REEP1: variants seen among roughly 807,000 people sequenced by gnomAD.
REEP1 encodes the protein receptor expression-enhancing protein 1.
A neutral mutation model predicts 40.3 loss-of-function variants in REEP1; 22 were observed. The observed-to-expected ratio is 0.55, with a 90% CI of 0.39 to 0.78. The LOEUF (loss-of-function observed/expected upper bound fraction) is 0.78. REEP1 is among the 30% of genes least tolerant of loss of function. The pLI, the probability that REEP1 is intolerant of heterozygous loss-of-function variation, is 0.00. For missense variants in REEP1, 280 were observed against 361.1 expected, an observed-to-expected ratio of 0.78 and a Z score of 1.82; for synonymous variants, 116 against 139.2, an observed-to-expected ratio of 0.83 and a Z score of 1.17.
intron 5 of REEP1, among the ~76,000 whole-genome samples, chr2:86,237,335 A>G (rs989948067): frequency 2.0e-5 from 3 of 152,224 alleles, no homozygotes; most frequent in Non-Finnish European, 4.4e-5. Flanking sequence ...CAACAGCTCG[A>G]CATCACCCAA....
At chr2:86,316,536 G>A (rs185615889) in intron 1 of REEP1, among the ~76,000 whole-genome samples, 7 of 93,312 alleles carry the variant, frequency 7.5e-5, no homozygotes, top group African/African-American at 1.4e-4. Flanking sequence ...CAACAAGAAC[G>A]AAACTCTGTC....
In REEP1 at chr2:86,315,192, G is replaced by A. The variant is rs116613082; in HGVS notation, c.32+22287C>T. Among the ~76,000 whole-genome samples the A allele has an allele frequency of 8.1e-3, 1,230 of 152,294 alleles. 14 individuals carry two copies. Among genetic ancestry groups the A allele is most frequent in the African/African-American group, 0.028 (1,157 of 41,568 alleles). ...GAACAATCAGGGAAGCTGCCTGCCA[G>A]GAGGGTGAGCCCCTCCCTGCTCCAA... On this transcript the variant is annotated intron_variant, in intron 1 of 8. Coordinates refer to ENST00000538924, the MANE Select transcript of REEP1 (RefSeq NM_001371279.1).
At chr2:86,298,042 G>T (rs1679067289) in intron 1 of REEP1, among the ~76,000 whole-genome samples, 1 of 152,204 alleles carries the variant, frequency 6.6e-6, no homozygotes, top group Non-Finnish European at 1.5e-5. Flanking sequence ...CCTGGGGGAA[G>T]TGGATAACCA....
At chr2:86,301,016 A>G (rs1558924717) in intron 1 of REEP1, among the ~76,000 whole-genome samples, 2 of 152,340 alleles carry the variant, frequency 1.3e-5, no homozygotes, top group South Asian at 4.1e-4. Context: ...TGTCAGAGCC[A>G]AGAATCCAAT....
At chr2:86,224,621 G>A (rs13010151) in intron 7 of REEP1, among the ~76,000 whole-genome samples, 4,852 of 152,260 alleles carry the variant, frequency 0.032, 125 homozygotes, top group Non-Finnish European at 0.049. Flanking sequence ...CTAGGACAAC[G>A]GCTTCCAGGT....
chr2:86,273,280 ACC>A (rs1677563531), intron 2 of REEP1, among the ~76,000 whole-genome samples: 1 of 143,858 alleles, frequency 7.0e-6, no homozygotes, highest in Non-Finnish European at 1.5e-5. Flanking sequence ...ACTGGCCCCT[ACC>A]TTTTTTTTTT....
At chr2:86,225,133 C>A (rs996274145) in intron 7 of REEP1, among the ~76,000 whole-genome samples, 1 of 152,182 alleles carries the variant, frequency 6.6e-6, no homozygotes, top group African/African-American at 2.4e-5. Flanking sequence ...GAACGCAGCC[C>A]CTTCATTTCC....
chr2:86,218,541 G>A (rs1210821831), intron 8 of REEP1, among the ~76,000 whole-genome samples: 1 of 152,240 alleles, frequency 6.6e-6, no homozygotes, highest in Non-Finnish European at 1.5e-5. Context: ...CACCTTTATA[G>A]TAATCTGCCT....
In REEP1 at chr2:86,243,085, G is replaced by A. The variant is rs144600749; in HGVS notation, c.417+8872C>T. Reference sequence around the variant, plus strand: ...CTTGGATTGAGCCCTGGGCAGAGAAGCCCATCTGGGAACCAGGTCATCAGG... The same window carrying A: ...CTTGGATTGAGCCCTGGGCAGAGAAACCCATCTGGGAACCAGGTCATCAGG... On this transcript the variant is annotated intron_variant, in intron 5 of 8. Transcript: ENST00000538924. 1.4e-3 allele frequency among the ~76,000 whole-genome samples: 206 copies of A among 152,268 alleles called. 2 individuals are homozygous for A. Among genetic ancestry groups the A allele is most frequent in the Middle Eastern group, 6.8e-3 (2 of 294 alleles).
Position 86,216,397 on chromosome 2 carries a change from A to G in REEP1, c.*642T>C, listed in dbSNP as rs1024715489. 10 of 152,290 alleles carry G rather than the reference A, an allele frequency of 6.6e-5. No homozygotes were observed. The highest frequency in any genetic ancestry group is 1.5e-5 in the Non-Finnish European group (1 of 68,098). The allele number at this position is 152,290 out of a possible 1,614,324, so 9.4% of individuals were successfully genotyped here. A position where few individuals can be genotyped will look rare whatever the true frequency, so the allele number is the denominator to read the frequency against. On this transcript the variant is annotated 3_prime_UTR_variant, in exon 9 of 9. Coordinates refer to ENST00000538924, the MANE Select transcript of REEP1 (RefSeq NM_001371279.1). ...TGGTCTTTTGACTAAACAACTATCTAAAGAATATAGACCACACTCCTGCAG... is the reference window on the plus strand; with the variant it reads ...TGGTCTTTTGACTAAACAACTATCTGAAGAATATAGACCACACTCCTGCAG...
rs1573976828 is a variant in REEP1 at position 86,214,926 on chromosome 2, C to A, written c.*2113G>T. ...GTCACAACTCTCCATTGTAAAATGG[C>A]GAAAATATAGGTTGTTCACGATAGG... is the stretch of plus-strand genomic sequence containing the variant. On this transcript the variant is annotated 3_prime_UTR_variant, in exon 9 of 9. Coordinates refer to ENST00000538924, the MANE Select transcript of REEP1 (RefSeq NM_001371279.1). 6.8e-6 allele frequency: 1 copy of A among 147,200 alleles called. No homozygotes were observed. Among genetic ancestry groups the A allele is most frequent in the East Asian group, 2.0e-4 (1 of 4,964 alleles). 9.1% of individuals were successfully genotyped at this position (147,200 alleles called of 1,614,324 possible). A position where few individuals can be genotyped will look rare whatever the true frequency, so the allele number is the denominator to read the frequency against.
intron 5 of REEP1, among the ~76,000 whole-genome samples, chr2:86,245,910 G>A (rs1009948606): frequency 1.9e-4 from 29 of 151,718 alleles, no homozygotes; most frequent in South Asian, 4.2e-4. Context: ...GACTACAGGC[G>A]CCCGCCACCA....
intron 5 of REEP1, among the ~76,000 whole-genome samples, chr2:86,243,639 G>C (rs1326853041): frequency 6.6e-6 from 1 of 152,220 alleles, no homozygotes; most frequent in Non-Finnish European, 1.5e-5. Flanking sequence ...GCTTGGTTCT[G>C]CTTCGACACA....
intron 3 of REEP1, among the ~76,000 whole-genome samples, chr2:86,263,739 C>T (rs1676986859): frequency 6.6e-6 from 1 of 152,114 alleles, no homozygotes; most frequent in African/African-American, 2.4e-5. Context: ...GACTATATCC[C>T]CAGGGCTTAG....
intron 5 of REEP1, among the ~76,000 whole-genome samples, chr2:86,239,465 G>A (rs1028027717): frequency 6.6e-6 from 1 of 152,158 alleles, no homozygotes; most frequent in African/African-American, 2.4e-5. Flanking sequence ...AAGGGTTTTA[G>A]TGAGTCAGGA....
Position 86,263,956 on chromosome 2 carries a change from A to G in REEP1, c.182+9T>C. ...TCCTTAGAAACATCCCAACTCCTGG[A>G]GTACTTACCAACAAAGGAAGATGTC... On this transcript the variant is annotated intron_variant, in intron 3 of 8. Transcript: ENST00000538924. 1 of 1,605,172 alleles carries G rather than the reference A, an allele frequency of 6.2e-7. No homozygotes were observed. The highest frequency in any genetic ancestry group is 8.5e-7 in the Non-Finnish European group (1 of 1,171,832).
intron 6 of REEP1, among the ~76,000 whole-genome samples, chr2:86,229,125 CT>C (rs1674876366): frequency 6.6e-6 from 1 of 152,172 alleles, no homozygotes; most frequent in Non-Finnish European, 1.5e-5. Context: ...CTGGTTTGCT[CT>C]CCTCACAACC....
chr2:86,274,960 C>T (rs974829578), intron 2 of REEP1, among the ~76,000 whole-genome samples: 1 of 152,192 alleles, frequency 6.6e-6, no homozygotes, highest in African/African-American at 2.4e-5. Context: ...GCCAGAGCTT[C>T]TGGCAGCCTG....
chr2:86,307,280 A>G (rs1169422027), intron 1 of REEP1, among the ~76,000 whole-genome samples: 1 of 152,164 alleles, frequency 6.6e-6, no homozygotes, highest in African/African-American at 2.4e-5. Context: ...ACCCCAAAAA[A>G]CAAATGAGTA....
Sources: allele counts gnomAD v4.1 joint callset (sites outside exome capture counted in the v4.1 genomes callset), GRCh38; gene constraint gnomAD v4.1.1; transcripts MANE v1.5; gene names NCBI Gene and HGNC (gene_info 2026-07-23, HGNC 2026-07-21).